NRXN1: variants seen among roughly 807,000 people sequenced by gnomAD.
The protein encoded by NRXN1 is neurexin 1, also known as neurexin-1.
NRXN1 carries 39 observed loss-of-function variants against 150.9 expected under a neutral mutation model. The ratio of observed to expected loss-of-function variants is 0.26; its 90% CI spans 0.20 to 0.34. The LOEUF is 0.34. NRXN1 is among the 10% of genes least tolerant of loss of function. The pLI, the probability that NRXN1 is intolerant of heterozygous loss-of-function variation, is 1.00. For missense variants in NRXN1, 1,815 were observed against 1,949.9 expected (o/e 0.93, Z 1.30); for synonymous variants, 924 against 757.0 (o/e 1.22, Z -3.62).
intron 18 of NRXN1, among the ~76,000 whole-genome samples, chr2:50,110,320 C>T (rs1327809263): frequency 3.3e-5 from 5 of 151,748 alleles, no homozygotes. Context: ...GAAACCGCGT[C>T]TCTACTAAAA....
intron 21 of NRXN1, among the ~76,000 whole-genome samples, chr2:50,017,837 C>T (rs1435915332): frequency 6.6e-6 from 1 of 151,922 alleles, no homozygotes; most frequent in African/African-American, 2.4e-5. Context: ...CCTTCTGCAC[C>T]ATCAAAGACT....
rs190209525 is a variant in NRXN1 at position 50,481,507 on chromosome 2, A to G, written c.3071-9036T>C. ...ATCAAAATGTTTTTTACCAAAAGTC[A>G]ACATTTGATTTTTAGATACAGCAGT... On this transcript the variant is annotated intron_variant, in intron 15 of 22. Coordinates refer to ENST00000401669, the MANE Select transcript of NRXN1 (RefSeq NM_001330078.2). Among the ~76,000 whole-genome samples the G allele has an allele frequency of 4.9e-3, 744 of 152,322 alleles. 4 individuals carry two copies. The highest frequency in any genetic ancestry group is 7.4e-3 in the Non-Finnish European group (506 of 68,038).
chr2:50,039,297 C>T (rs1690550647), intron 21 of NRXN1, among the ~76,000 whole-genome samples: 1 of 152,000 alleles, frequency 6.6e-6, no homozygotes, highest in African/African-American at 2.4e-5. Flanking sequence ...GAAATCCTGT[C>T]TCTACTAAAA....
chr2:50,651,527 A>G (rs528873447), intron 5 of NRXN1, among the ~76,000 whole-genome samples: 37 of 150,958 alleles, frequency 2.5e-4, no homozygotes, highest in South Asian at 6.2e-4. Flanking sequence ...GACATAACAT[A>G]ACATAACATA....
chr2:50,359,052 T>C (rs560470027), intron 17 of NRXN1, among the ~76,000 whole-genome samples: 1 of 152,022 alleles, frequency 6.6e-6, no homozygotes, highest in Non-Finnish European at 1.5e-5. Flanking sequence ...CAGAAAGCAA[T>C]AGCATCAACA....
At chr2:50,975,567 C>T (rs890750970) in intron 2 of NRXN1, among the ~76,000 whole-genome samples, 4 of 152,072 alleles carry the variant, frequency 2.6e-5, no homozygotes, top group African/African-American at 9.7e-5. Flanking sequence ...TAATGTTCAC[C>T]TCTGCCTTTG....
chr2:50,919,940 C>T (rs959634284), intron 5 of NRXN1: 1 of 328,222 alleles, frequency 3.0e-6, no homozygotes, highest in Non-Finnish European at 6.8e-6. Context: ...TATATGAACA[C>T]TCTGTGGATG....
intron 2 of NRXN1, among the ~76,000 whole-genome samples, chr2:51,018,287 G>C (rs1669056258): frequency 6.6e-6 from 1 of 152,024 alleles, no homozygotes; most frequent in South Asian, 2.1e-4. Context: ...ATCCCTCCTG[G>C]GAACCAACCT....
intron 21 of NRXN1, among the ~76,000 whole-genome samples, chr2:49,980,066 G>A (rs1679733395): frequency 6.6e-6 from 1 of 152,122 alleles, no homozygotes; most frequent in African/African-American, 2.4e-5. Context: ...TTATGCTAAT[G>A]TTAAAAATAA....
chr2:50,338,926 C>A (rs1210205796), intron 17 of NRXN1, among the ~76,000 whole-genome samples: 1 of 152,108 alleles, frequency 6.6e-6, no homozygotes, highest in African/African-American at 2.4e-5. Flanking sequence ...ATTTCAGAAT[C>A]TAAAATTATC....
chr2:50,924,306 A>T (rs1482330064), intron 3 of NRXN1, among the ~76,000 whole-genome samples: 1 of 151,764 alleles, frequency 6.6e-6, no homozygotes, highest in African/African-American at 2.4e-5. Flanking sequence ...AGGTCATATT[A>T]TAGATAGAAA....
chr2:50,800,794 T>A (rs1295998080), intron 5 of NRXN1, among the ~76,000 whole-genome samples: 1 of 152,100 alleles, frequency 6.6e-6, no homozygotes, highest in East Asian at 1.9e-4. Flanking sequence ...AGGTGATCCA[T>A]CCGCCCCAGC....
chr2:50,199,581 T>A (rs946694266), intron 18 of NRXN1, among the ~76,000 whole-genome samples: 2 of 149,368 alleles, frequency 1.3e-5, no homozygotes, highest in African/African-American at 5.1e-5. Flanking sequence ...CACACTGACA[T>A]TAATAAGTCA....
At chr2:50,783,557 C>A (rs1424543641) in intron 5 of NRXN1, among the ~76,000 whole-genome samples, 1 of 152,080 alleles carries the variant, frequency 6.6e-6, no homozygotes, top group Non-Finnish European at 1.5e-5. Flanking sequence ...ATCACAGGCA[C>A]AGTCATAAAT....
intron 21 of NRXN1, among the ~76,000 whole-genome samples, chr2:49,946,696 A>C (rs952280394): frequency 6.6e-6 from 1 of 151,904 alleles, no homozygotes; most frequent in Non-Finnish European, 1.5e-5. Context: ...TGGTCTTCAA[A>C]GAACTAGAAA....
intron 5 of NRXN1, among the ~76,000 whole-genome samples, chr2:50,813,022 T>G (rs1574563170): frequency 6.6e-6 from 1 of 152,040 alleles, no homozygotes; most frequent in East Asian, 1.9e-4. Context: ...AGATCTCACC[T>G]GTACAATAAC....
chr2:50,683,019 G>A lies in NRXN1; in HGVS notation c.833-59404C>T, dbSNP rs150235700. Among the ~76,000 whole-genome samples, 112 of 152,052 alleles carry A rather than the reference G, an allele frequency of 7.4e-4. 2 individuals are homozygous for A. In the East Asian group the frequency reaches 0.019, roughly 25 times the overall value. On this transcript the variant is annotated intron_variant, in intron 5 of 22. Coordinates refer to ENST00000401669, the MANE Select transcript of NRXN1 (RefSeq NM_001330078.2). ...TACTTGTTCATTAATCAACCATTGA[G>A]GGCCTACAAAGTACAGTGAGTGAAA...
At chr2:50,202,579 G>T (rs2062255908) in intron 18 of NRXN1, among the ~76,000 whole-genome samples, 1 of 152,060 alleles carries the variant, frequency 6.6e-6, no homozygotes, top group Non-Finnish European at 1.5e-5. Context: ...GTTTTGAGAG[G>T]CAAGAAAAGG....
At chr2:50,106,865 T>C (rs1210157844) in intron 18 of NRXN1, among the ~76,000 whole-genome samples, 1 of 152,004 alleles carries the variant, frequency 6.6e-6, no homozygotes, top group Admixed American at 6.6e-5. Flanking sequence ...TTACTCATCA[T>C]TTAGCTTAAA....
Sources: gnomAD v4.1 joint callset for allele counts (sites outside exome capture counted in the v4.1 genomes callset) on GRCh38, gnomAD v4.1.1 for gene constraint, MANE v1.5 for transcripts, NCBI Gene and HGNC (gene_info 2026-07-23, HGNC 2026-07-21) for gene names.